Variants in DPP10 observed in about 807,000 individuals in gnomAD.
The protein encoded by DPP10 is inactive dipeptidyl peptidase 10.
Under a neutral mutation model 120.9 loss-of-function variants are expected in DPP10, and 33 were observed. The ratio of observed to expected loss-of-function variants is 0.27; its 90% confidence interval spans 0.21 to 0.37. The LOEUF is 0.37. Ranked by LOEUF, DPP10 falls within the 10% of genes least tolerant of loss-of-function variation. The pLI is 1.00. For missense variants in DPP10, 816 were observed against 942.8 expected (o/e 0.87, Z 1.76); for synonymous variants, 337 against 326.1 (o/e 1.03, Z -0.36).
At chr2:115,467,977 A>G in intron 3 of DPP10, 1 of 267,970 alleles carries the variant, frequency 3.7e-6, no homozygotes, top group Non-Finnish European at 7.4e-6. Flanking sequence ...CTCCTAAGGA[A>G]ATTGAGCTTT....
intron 3 of DPP10, among the ~76,000 whole-genome samples, chr2:115,385,049 C>T (rs1024619338): frequency 3.3e-5 from 5 of 152,144 alleles, no homozygotes; most frequent in African/African-American, 4.8e-5. Flanking sequence ...TGCCTTTCAC[C>T]TCCTGCCATT....
chr2:114,773,246 G>A (rs1218509956), intron 1 of DPP10, among the ~76,000 whole-genome samples: 2 of 152,152 alleles, frequency 1.3e-5, no homozygotes, highest in African/African-American at 4.8e-5. Context: ...GGGCACAAGG[G>A]AAATTCGAGG....
At chr2:114,544,358 CA>C (rs1687201624) in intron 1 of DPP10, among the ~76,000 whole-genome samples, 1 of 152,162 alleles carries the variant, frequency 6.6e-6, no homozygotes, top group African/African-American at 2.4e-5. Flanking sequence ...ATATTCTTGG[CA>C]GTATGAGTCA....
At chr2:115,548,199 A>C (rs1207367755) in intron 5 of DPP10, among the ~76,000 whole-genome samples, 7 of 152,190 alleles carry the variant, frequency 4.6e-5, no homozygotes, top group Admixed American at 4.6e-4. Flanking sequence ...TGGTTACATA[A>C]TCACTGTTTA....
chr2:114,502,718 A>G (rs1683306897), intron 1 of DPP10, among the ~76,000 whole-genome samples: 1 of 152,186 alleles, frequency 6.6e-6, no homozygotes, highest in Non-Finnish European at 1.5e-5. Flanking sequence ...GGTAGTACCT[A>G]GTAAGTACTA....
At chr2:114,640,080 C>T (rs2105423057) in intron 1 of DPP10, among the ~76,000 whole-genome samples, 1 of 152,054 alleles carries the variant, frequency 6.6e-6, no homozygotes, top group Admixed American at 6.5e-5. Context: ...CAAAATGGAA[C>T]ATTTCAGCTG....
intron 1 of DPP10, among the ~76,000 whole-genome samples, chr2:114,691,761 A>G (rs1025674161): frequency 1.3e-5 from 2 of 151,714 alleles, no homozygotes; most frequent in Admixed American, 1.3e-4. Context: ...TTTCAAACTC[A>G]TTATTATTGA....
chr2:115,159,467 C>T (rs959946333), intron 1 of DPP10, among the ~76,000 whole-genome samples: 23 of 152,000 alleles, frequency 1.5e-4, no homozygotes, highest in Admixed American at 7.9e-4. Context: ...CTTGTTTGGA[C>T]GTTAGAATTT....
chr2:114,633,283 G>T (rs1381267878), intron 1 of DPP10, among the ~76,000 whole-genome samples: 3 of 105,026 alleles, frequency 2.9e-5, no homozygotes, highest in South Asian at 2.9e-4. Context: ...ACAGAGTCTC[G>T]CTCTATCACC....
In DPP10 at chr2:115,128,202, T is replaced by C. The variant is rs968288132; in HGVS notation, c.61-181037T>C. Among the ~76,000 whole-genome samples the C allele has an allele frequency of 9.9e-5, 15 of 152,152 alleles. No homozygotes were observed. The East Asian group carries it at 2.5e-3, about 25-fold the overall frequency. ...CCCTCCTCTCCAGACATATTGATTT[T>C]TTTCATTGTCCCTTAAACACACCTG... On this transcript the variant is annotated intron_variant, in intron 1 of 25. Coordinates refer to ENST00000410059, the MANE Select transcript of DPP10 (RefSeq NM_020868.6).
chr2:115,318,246 A>G (rs2061893076), intron 2 of DPP10, among the ~76,000 whole-genome samples: 1 of 152,114 alleles, frequency 6.6e-6, no homozygotes, highest in Non-Finnish European at 1.5e-5. Context: ...TTATAGATAT[A>G]TGAGTTATTT....
intron 1 of DPP10, among the ~76,000 whole-genome samples, chr2:115,188,966 T>G (rs1256746264): frequency 6.6e-6 from 1 of 152,216 alleles, no homozygotes; most frequent in Non-Finnish European, 1.5e-5. Context: ...TTCACAGCTA[T>G]AAAAATGATT....
At chr2:115,055,868 A>G (rs973841273) in intron 1 of DPP10, among the ~76,000 whole-genome samples, 1 of 152,216 alleles carries the variant, frequency 6.6e-6, no homozygotes, top group African/African-American at 2.4e-5. Flanking sequence ...CATATAAAAA[A>G]TGTAGAGTTT....
intron 5 of DPP10, among the ~76,000 whole-genome samples, chr2:115,636,574 G>A (rs1460980766): frequency 6.6e-6 from 1 of 152,006 alleles, no homozygotes; most frequent in Admixed American, 6.6e-5. Context: ...GAGACAGAGA[G>A]AGAGAAAAGG....
chr2:115,360,611 C>T (rs758336130), intron 3 of DPP10, among the ~76,000 whole-genome samples: 1 of 152,320 alleles, frequency 6.6e-6, no homozygotes, highest in Non-Finnish European at 1.5e-5. Context: ...GACTCTCTCA[C>T]CAAGTTTTCA....
chr2:115,442,329 C>T (rs762733328), intron 3 of DPP10, among the ~76,000 whole-genome samples: 18 of 151,248 alleles, frequency 1.2e-4, no homozygotes, highest in Non-Finnish European at 2.2e-4. Context: ...CTTGTCACCA[C>T]GGCTCTTGCA....
chr2:114,813,019 T>A (rs944193799), intron 1 of DPP10, among the ~76,000 whole-genome samples: 3 of 152,216 alleles, frequency 2.0e-5, no homozygotes, highest in Non-Finnish European at 4.4e-5. Context: ...GTATACAGCG[T>A]GTGGTCCATA....
At chr2:114,654,436 T>C (rs1287705574) in intron 1 of DPP10, among the ~76,000 whole-genome samples, 1 of 152,030 alleles carries the variant, frequency 6.6e-6, no homozygotes, top group Non-Finnish European at 1.5e-5. Context: ...TTTTATAGGG[T>C]GGGGAAAACC....
chr2:114,581,564 G>A (rs1180237500), intron 1 of DPP10, among the ~76,000 whole-genome samples: 5 of 152,082 alleles, frequency 3.3e-5, no homozygotes, highest in Non-Finnish European at 7.4e-5. Flanking sequence ...AACCTGCTGT[G>A]GAAGAAGCCA....
Sources: allele counts gnomAD v4.1 joint callset (sites outside exome capture counted in the v4.1 genomes callset), GRCh38; gene constraint gnomAD v4.1.1; transcripts MANE v1.5; gene names NCBI Gene and HGNC (gene_info 2026-07-23, HGNC 2026-07-21).